KAT2B: variants seen among roughly 807,000 people sequenced by gnomAD.
KAT2B encodes lysine acetyltransferase 2B.
A neutral mutation model predicts 105.9 loss-of-function variants in KAT2B; 36 were observed. The observed-to-expected ratio is 0.34, with a 90% CI of 0.26 to 0.45. The LOEUF is 0.45. KAT2B is among the 20% of genes least tolerant of loss of function. KAT2B has a pLI of 1.00. For missense variants in KAT2B, 820 were observed against 1,021.6 expected (o/e 0.80, Z 2.69); for synonymous variants, 397 against 377.9 (o/e 1.05, Z -0.59).
chr3:20,130,372 A>G (rs1453982717), intron 11 of KAT2B, among the ~76,000 whole-genome samples: 1 of 152,182 alleles, frequency 6.6e-6, no homozygotes, highest in Non-Finnish European at 1.5e-5. Flanking sequence ...TGCTGTGTTT[A>G]TCATTATTCT....
rs777868109 is a variant in KAT2B at position 20,095,315 on chromosome 3, C to A, written c.483C>A (p.Leu161=). The change falls in exon 3 of 18, where the codon CTC becomes CTA. Residue 161 remains leucine, a synonymous_variant. Transcript: ENST00000263754. ...TGTCAGAGGAAGAAATGAACAGACTCCTGGGAATAGTATTGGATGTGGAAT... is the reference window on the plus strand; with the variant it reads ...TGTCAGAGGAAGAAATGAACAGACTACTGGGAATAGTATTGGATGTGGAAT... ...ENVSEEEMNR[L]LGIVLDVEYL... 1 of 1,609,200 alleles carries A rather than the reference C, an allele frequency of 6.2e-7. No homozygotes were observed. The highest frequency in any genetic ancestry group is 2.2e-5 in the East Asian group (1 of 44,822).
At chr3:20,108,736 C>T (rs1026493771) in intron 5 of KAT2B, among the ~76,000 whole-genome samples, 2 of 152,172 alleles carry the variant, frequency 1.3e-5, no homozygotes, top group Non-Finnish European at 2.9e-5. Context: ...GGCTGCACAG[C>T]AGGAAGTGAG....
chr3:20,040,483 C>A lies in KAT2B; in HGVS notation c.6C>A (p.Ser2=). Reference sequence around the variant, plus strand: ...CTGCCGTGCTCCGGGGCGGCATGTCCGAGGCTGGCGGGGCCGGGCCGGGCG... The same window carrying A: ...CTGCCGTGCTCCGGGGCGGCATGTCAGAGGCTGGCGGGGCCGGGCCGGGCG... M[S]EAGGAGPGGC... Residue 2 remains serine, a synonymous_variant, in exon 1 of 18, where the codon TCC becomes TCA. Transcript: ENST00000263754. 1 of 1,054,004 alleles carries A rather than the reference C, an allele frequency of 9.5e-7. No individual in the cohort carries two copies. Among genetic ancestry groups the A allele is most frequent in the Non-Finnish European group, 1.1e-6 (1 of 876,306 alleles). 65.3% of individuals were successfully genotyped at this position (1,054,004 alleles called of 1,614,324 possible).
chr3:20,112,612 A>G (rs1386730205), intron 6 of KAT2B, among the ~76,000 whole-genome samples: 3 of 152,200 alleles, frequency 2.0e-5, no homozygotes, highest in Non-Finnish European at 4.4e-5. Context: ...TCATTCTGTG[A>G]TTATCATTCC....
intron 3 of KAT2B, 41 bp downstream of exon 3, chr3:20,095,449 C>A: frequency 7.2e-7 from 1 of 1,392,684 alleles, no homozygotes; most frequent in Non-Finnish European, 1.0e-6. Context: ...TCTCATTATT[C>A]AAATGTACCC....
At chr3:20,050,300 CTT>C (rs1697893893) in intron 1 of KAT2B, among the ~76,000 whole-genome samples, 1 of 151,586 alleles carries the variant, frequency 6.6e-6, no homozygotes, top group African/African-American at 2.4e-5. Context: ...TTAAAAAAAA[CTT>C]TTAGTTGCAT....
chr3:20,064,077 A>T (rs183708965), intron 1 of KAT2B, among the ~76,000 whole-genome samples: 1 of 152,340 alleles, frequency 6.6e-6, no homozygotes, highest in African/African-American at 2.4e-5. Context: ...ATTAGTATAT[A>T]AGAAGCTAGC....
At chr3:20,047,423 C>A (rs1490521805) in intron 1 of KAT2B, among the ~76,000 whole-genome samples, 1 of 151,958 alleles carries the variant, frequency 6.6e-6, no homozygotes, top group Non-Finnish European at 1.5e-5. Context: ...TCTGAAAAAT[C>A]TCACTTCGTG....
intron 17 of KAT2B, among the ~76,000 whole-genome samples, chr3:20,150,929 T>C (rs965059486): frequency 6.6e-6 from 1 of 152,198 alleles, no homozygotes; most frequent in Non-Finnish European, 1.5e-5. Context: ...ACATATTATA[T>C]TGGGCAGCAT....
At chr3:20,120,047 G>A (rs1421955496) in intron 8 of KAT2B, among the ~76,000 whole-genome samples, 1 of 152,052 alleles carries the variant, frequency 6.6e-6, no homozygotes, top group African/African-American at 2.4e-5. Flanking sequence ...GGCTTGGCTA[G>A]AGCACTTAAG....
At chr3:20,113,457 A>G (rs937805607) in intron 6 of KAT2B, among the ~76,000 whole-genome samples, 1 of 152,138 alleles carries the variant, frequency 6.6e-6, no homozygotes, top group Non-Finnish European at 1.5e-5. Flanking sequence ...TTTGCTAATT[A>G]TAGTGTGTTT....
chr3:20,145,286 G>T (rs1469297379), intron 13 of KAT2B, among the ~76,000 whole-genome samples: 3 of 152,054 alleles, frequency 2.0e-5, no homozygotes, highest in Non-Finnish European at 4.4e-5. Context: ...TTACATGCGT[G>T]GCTTGTATTA....
rs1698002233 is a variant in KAT2B, at chr3:20,056,268, A to T, written c.303+15488A>T. ...TGTAAGGGTAGAGGCAACAGGACTT[A>T]ATTTGTTACAAGGGAGGTGGTGATG... On this transcript the variant is annotated intron_variant, in intron 1 of 17. Coordinates refer to ENST00000263754, the MANE Select transcript of KAT2B (RefSeq NM_003884.5). Among the ~76,000 whole-genome samples, 3 of 152,260 alleles carry T rather than the reference A, an allele frequency of 2.0e-5. No homozygotes were observed. The South Asian group carries it at 6.2e-4, about 32-fold the overall frequency.
intron 11 of KAT2B, among the ~76,000 whole-genome samples, chr3:20,129,007 C>CAAAAAAA (rs534566854): frequency 1.4e-4 from 8 of 57,306 alleles, no homozygotes; most frequent in Admixed American, 2.3e-4. Context: ...AACTCCATCT[C>CAAAAAAA]AAAAAAAAAA....
At chr3:20,109,543 C>T (rs181833536) in intron 5 of KAT2B, among the ~76,000 whole-genome samples, 10 of 152,208 alleles carry the variant, frequency 6.6e-5, no homozygotes, top group Admixed American at 2.6e-4. Context: ...GTCTTGAACT[C>T]CTGGGCTCAA....
chr3:20,095,433 A>G (rs375798522), intron 3 of KAT2B, 25 bp downstream of exon 3: 15 of 1,493,730 alleles, frequency 1.0e-5, no homozygotes, highest in Non-Finnish European at 1.3e-5. Flanking sequence ...TTTTAAAAAC[A>G]TTTTCTCTCA....
At chr3:20,096,466 A>G (rs1302382053) in intron 3 of KAT2B, among the ~76,000 whole-genome samples, 1 of 149,502 alleles carries the variant, frequency 6.7e-6, no homozygotes, top group Non-Finnish European at 1.5e-5. Context: ...GAATAACCTT[A>G]AAAAAAAATA....
At chr3:20,133,518 T>C (rs575146647) in intron 11 of KAT2B, among the ~76,000 whole-genome samples, 1 of 152,348 alleles carries the variant, frequency 6.6e-6, no homozygotes, top group South Asian at 2.1e-4. Flanking sequence ...TTATTCTTTT[T>C]ATACAGTATT....
intron 5 of KAT2B, among the ~76,000 whole-genome samples, chr3:20,101,917 G>T (rs1469683655): frequency 6.6e-6 from 1 of 152,126 alleles, no homozygotes; most frequent in Non-Finnish European, 1.5e-5. Context: ...TATGTGGCTT[G>T]TGTTATTTAT....
Sources: allele counts gnomAD v4.1 joint callset (sites outside exome capture counted in the v4.1 genomes callset), GRCh38; gene constraint gnomAD v4.1.1; transcripts MANE v1.5; gene names NCBI Gene and HGNC (gene_info 2026-07-23, HGNC 2026-07-21).